The following RARB variants were observed in gnomAD, a reference collection of about 807,000 sequenced individuals.
RARB encodes the protein HBV-activated protein.
A neutral mutation model predicts 51.9 loss-of-function variants in RARB; 17 were observed. That is an observed-to-expected ratio of 0.33 (90% CI 0.22 to 0.49). The LOEUF is 0.49. RARB is among the 20% of genes least tolerant of loss of function. RARB has a pLI of 0.99. For missense variants in RARB, 369 were observed against 550.8 expected, an observed-to-expected ratio of 0.67 and a Z score of 3.30; for synonymous variants, 215 against 195.4, an observed-to-expected ratio of 1.10 and a Z score of -0.84.
At chr3:25,504,067 C>T (rs1005544091) in intron 3 of RARB, among the ~76,000 whole-genome samples, 2 of 152,220 alleles carry the variant, frequency 1.3e-5, no homozygotes, top group Non-Finnish European at 2.9e-5. Context: ...GTCAGTTCAT[C>T]TGTATGTGTC....
chr3:25,053,525 C>T (rs995357786), intron 2 of RARB, among the ~76,000 whole-genome samples: 2 of 152,134 alleles, frequency 1.3e-5, no homozygotes, highest in African/African-American at 4.8e-5. Context: ...CCATTCCAGC[C>T]GGAACTTTGA....
intron 5 of RARB, among the ~76,000 whole-genome samples, chr3:25,351,195 A>G (rs1328838060): frequency 1.3e-5 from 2 of 152,048 alleles, no homozygotes; most frequent in Non-Finnish European, 2.9e-5. Context: ...GTTTTTCATT[A>G]TATTCTGTCT....
At chr3:24,912,325 A>G (rs1310526253) in intron 2 of RARB, among the ~76,000 whole-genome samples, 1 of 152,220 alleles carries the variant, frequency 6.6e-6, no homozygotes, top group Non-Finnish European at 1.5e-5. Context: ...TTTGTTCTAC[A>G]AAAGGATTCA....
intron 2 of RARB, among the ~76,000 whole-genome samples, chr3:24,967,573 T>A (rs1238700491): frequency 6.6e-6 from 1 of 152,156 alleles, no homozygotes; most frequent in Non-Finnish European, 1.5e-5. Context: ...ACTGGTTGAC[T>A]GATAGTAAGA....
At chr3:25,019,846 T>G (rs1401714811) in intron 2 of RARB, among the ~76,000 whole-genome samples, 3 of 152,256 alleles carry the variant, frequency 2.0e-5, no homozygotes, top group Admixed American at 2.0e-4. Context: ...CTGAGTTCTG[T>G]GAGGTCTTCC....
intron 3 of RARB, among the ~76,000 whole-genome samples, chr3:25,101,706 T>C (rs1699403583): frequency 6.6e-6 from 1 of 152,072 alleles, no homozygotes; most frequent in Admixed American, 6.5e-5. Context: ...CTTGATTCTT[T>C]CCATAGATGC....
At chr3:25,427,086 G>A (rs940078781), upstream of RARB, among the ~76,000 whole-genome samples, 5 of 152,196 alleles carry the variant, frequency 3.3e-5, no homozygotes, top group African/African-American at 1.2e-4. Flanking sequence ...ATGTGTGTAG[G>A]TGTATGATGA....
At chr3:25,062,873 C>T (rs1698578621) in intron 3 of RARB, among the ~76,000 whole-genome samples, 1 of 151,886 alleles carries the variant, frequency 6.6e-6, no homozygotes, top group Non-Finnish European at 1.5e-5. Flanking sequence ...TCTGTAAATA[C>T]ATGGGAAAAT....
At chr3:24,906,919 T>C (rs1438569448) in intron 2 of RARB, among the ~76,000 whole-genome samples, 1 of 148,448 alleles carries the variant, frequency 6.7e-6, no homozygotes, top group African/African-American at 2.5e-5. Context: ...ACCTGGAGGA[T>C]ATAATATTCA....
intron 1 of RARB, among the ~76,000 whole-genome samples, chr3:25,432,829 G>GC (rs1708263093): frequency 2.6e-5 from 4 of 152,094 alleles, no homozygotes; most frequent in Admixed American, 2.6e-4. Flanking sequence ...TTTAGAAAAA[G>GC]CTGAGAATTT....
intron 3 of RARB, among the ~76,000 whole-genome samples, chr3:25,527,119 A>T (rs1386232370): frequency 6.6e-6 from 1 of 152,242 alleles, no homozygotes; most frequent in Admixed American, 6.5e-5. Context: ...TAAAATGCAC[A>T]TTCTGAATTG....
chr3:25,532,076 T>A (rs1246640432), intron 3 of RARB, among the ~76,000 whole-genome samples: 1 of 152,154 alleles, frequency 6.6e-6, no homozygotes, highest in Non-Finnish European at 1.5e-5. Flanking sequence ...TTGACATGAT[T>A]TATTTTATTT....
At chr3:25,554,629 A>G (rs1458162038) in intron 3 of RARB, among the ~76,000 whole-genome samples, 1 of 152,164 alleles carries the variant, frequency 6.6e-6, no homozygotes, top group Non-Finnish European at 1.5e-5. Flanking sequence ...TTCACCATCA[A>G]CACCTCCAGT....
intron 4 of RARB, among the ~76,000 whole-genome samples, chr3:25,165,230 CTCTGTT>C (rs1198955328): frequency 6.6e-6 from 1 of 152,096 alleles, no homozygotes; most frequent in Non-Finnish European, 1.5e-5. Context: ...CTCTTTTTGT[CTCTGTT>C]TCTATCAGTA....
At chr3:24,930,643 C>G (rs1408095407) in intron 2 of RARB, among the ~76,000 whole-genome samples, 1 of 152,106 alleles carries the variant, frequency 6.6e-6, no homozygotes, top group Non-Finnish European at 1.5e-5. Context: ...ATGTGCCCAA[C>G]ACGGTTCCAA....
intron 1 of RARB, among the ~76,000 whole-genome samples, chr3:25,436,942 T>C (rs1428800743): frequency 1.3e-5 from 2 of 152,168 alleles, no homozygotes; most frequent in Non-Finnish European, 2.9e-5. Context: ...GATCGGTTTC[T>C]ACAGCTATGA....
intron 3 of RARB, among the ~76,000 whole-genome samples, chr3:25,107,120 T>C (rs1483191701): frequency 1.3e-5 from 2 of 152,148 alleles, no homozygotes; most frequent in African/African-American, 2.4e-5. Flanking sequence ...AGGCTGGTCA[T>C]GAACTCCTGA....
At chr3:25,281,539 C>T (rs938620207) in intron 5 of RARB, among the ~76,000 whole-genome samples, 1 of 152,106 alleles carries the variant, frequency 6.6e-6, no homozygotes, top group African/African-American at 2.4e-5. Context: ...GGTACAGTAA[C>T]AAATACAATC....
At chr3:25,539,034 C>T (rs748297784) in intron 3 of RARB, among the ~76,000 whole-genome samples, 1 of 152,158 alleles carries the variant, frequency 6.6e-6, no homozygotes, top group Non-Finnish European at 1.5e-5. Context: ...GTATAATTAA[C>T]CTTGAATGAT....
Sources: allele counts gnomAD v4.1 joint callset (sites outside exome capture counted in the v4.1 genomes callset), GRCh38; gene constraint gnomAD v4.1.1; transcripts MANE v1.5; gene names NCBI Gene and HGNC (gene_info 2026-07-23, HGNC 2026-07-21).